FGF14: variants seen among roughly 807,000 people sequenced by gnomAD.
FGF14 encodes fibroblast growth factor homologous factor 4.
A neutral mutation model predicts 25.5 loss-of-function variants in FGF14; 5 were observed. The ratio of observed to expected loss-of-function variants is 0.20; its 90% CI spans 0.10 to 0.41. FGF14 has a LOEUF of 0.41. Ranked by LOEUF, FGF14 falls within the 10% of genes least tolerant of loss-of-function variation. FGF14 has a pLI of 1.00. For missense variants in FGF14, 222 were observed against 320.1 expected, an observed-to-expected ratio of 0.69 and a Z score of 2.34; for synonymous variants, 138 against 118.3, an observed-to-expected ratio of 1.17 and a Z score of -1.08.
At chr13:102,239,478 G>A (rs568664652) in intron 1 of FGF14, among the ~76,000 whole-genome samples, 1 of 152,132 alleles carries the variant, frequency 6.6e-6, no homozygotes, top group Non-Finnish European at 1.5e-5. Context: ...TCTGGTGTGA[G>A]GACCACACTG....
intron 1 of FGF14, among the ~76,000 whole-genome samples, chr13:101,985,606 T>C (rs1254493581): frequency 1.3e-5 from 2 of 152,094 alleles, no homozygotes; most frequent in Admixed American, 6.6e-5. Context: ...GGCTTTTTCT[T>C]TGTTGTAAAA....
intron 1 of FGF14, among the ~76,000 whole-genome samples, chr13:102,093,013 T>C (rs1333757699): frequency 6.6e-6 from 1 of 152,168 alleles, no homozygotes; most frequent in Admixed American, 6.5e-5. Flanking sequence ...TGTGTATTTT[T>C]ATTCGGGAAA....
intron 1 of FGF14, among the ~76,000 whole-genome samples, chr13:102,070,948 C>A (rs2043128603): frequency 8.8e-6 from 1 of 113,108 alleles, no homozygotes; most frequent in South Asian, 2.5e-4. Context: ...GAAAACAAAA[C>A]AAAACAAAAC....
At chr13:102,149,263 G>T (rs762882950) in intron 1 of FGF14, among the ~76,000 whole-genome samples, 23 of 151,746 alleles carry the variant, frequency 1.5e-4, no homozygotes, top group Admixed American at 3.9e-4. Context: ...ATATAAAATG[G>T]CCTCTCTTAT....
intron 1 of FGF14, among the ~76,000 whole-genome samples, chr13:102,229,188 C>A (rs1176374767): frequency 6.6e-6 from 1 of 152,042 alleles, no homozygotes; most frequent in Non-Finnish European, 1.5e-5. Flanking sequence ...TTGTGGATAC[C>A]CTACGTTTGC....
chr13:101,838,554 T>C (rs763546452), intron 3 of FGF14, among the ~76,000 whole-genome samples: 3 of 152,104 alleles, frequency 2.0e-5, no homozygotes, highest in Non-Finnish European at 4.4e-5. Flanking sequence ...CACTTGGTAA[T>C]CACATAACCT....
intron 1 of FGF14, among the ~76,000 whole-genome samples, chr13:102,338,785 G>A (rs921867974): frequency 4.6e-5 from 7 of 152,014 alleles, no homozygotes; most frequent in African/African-American, 7.2e-5. Context: ...AGGCTGAGGC[G>A]GGTGGATTAC....
At chr13:101,821,337 T>A (rs2042146395) in intron 3 of FGF14, among the ~76,000 whole-genome samples, 1 of 152,214 alleles carries the variant, frequency 6.6e-6, no homozygotes, top group South Asian at 2.1e-4. Flanking sequence ...TTTTTATGTC[T>A]GTGAGATCCA....
intron 1 of FGF14, among the ~76,000 whole-genome samples, chr13:101,960,095 C>T (rs1361651957): frequency 2.6e-5 from 4 of 152,146 alleles, no homozygotes; most frequent in Non-Finnish European, 5.9e-5. Flanking sequence ...TTTCACTTGC[C>T]TCAACCTGAA....
At chr13:102,297,102 G>A (rs1348544230) in intron 1 of FGF14, among the ~76,000 whole-genome samples, 6 of 152,102 alleles carry the variant, frequency 3.9e-5, no homozygotes, top group Non-Finnish European at 7.3e-5. Context: ...CATACTGATA[G>A]TATTGGTAGA....
At chr13:102,123,114 G>A (rs1362685899) in intron 1 of FGF14, among the ~76,000 whole-genome samples, 1 of 152,124 alleles carries the variant, frequency 6.6e-6, no homozygotes, top group African/African-American at 2.4e-5. Flanking sequence ...TGGTAAGAAT[G>A]AGCTGATTAA....
rs1274673644 is a variant in FGF14 at position 102,400,627 on chromosome 13, T to G, written c.208+844A>C. Among the ~76,000 whole-genome samples, 2 of 152,212 alleles carry G rather than the reference T, an allele frequency of 1.3e-5. No individual in the cohort carries two copies. The highest frequency in any genetic ancestry group is 1.9e-4 in the East Asian group (1 of 5,172). On this transcript the variant is annotated intron_variant, in intron 1 of 4. Transcript: ENST00000376131. The surrounding 1 kb of genome is among the most constrained non-coding windows in gnomAD (Gnocchi z 4.3). ...AAATCAGATGCATTTGCATTTCTTA[T>G]GTAATGTACTGCAAGTTCCCTTGTT...
chr13:102,091,650 G>C (rs756353956), intron 1 of FGF14, among the ~76,000 whole-genome samples: 2 of 152,090 alleles, frequency 1.3e-5, no homozygotes, highest in Non-Finnish European at 1.5e-5. Context: ...AGCACCAGCC[G>C]AGCCACGCCT....
At chr13:101,994,791 C>A (rs1055114657) in intron 1 of FGF14, among the ~76,000 whole-genome samples, 3 of 151,892 alleles carry the variant, frequency 2.0e-5, no homozygotes, top group African/African-American at 7.3e-5. Flanking sequence ...AAATCTAAGC[C>A]CCCGAGTTAA....
intron 1 of FGF14, among the ~76,000 whole-genome samples, chr13:102,077,068 A>C (rs1180764320): frequency 2.0e-5 from 3 of 152,214 alleles, no homozygotes; most frequent in Non-Finnish European, 4.4e-5. Flanking sequence ...GAACAACTGG[A>C]TATCCACATG....
intron 1 of FGF14, among the ~76,000 whole-genome samples, chr13:102,332,923 A>AT (rs1461947204): frequency 6.6e-6 from 1 of 152,136 alleles, no homozygotes; most frequent in Non-Finnish European, 1.5e-5. Context: ...CAGAAGTCCC[A>AT]TTTTTTATTC....
intron 1 of FGF14, among the ~76,000 whole-genome samples, chr13:101,969,186 A>G (rs777634584): frequency 2.8e-4 from 43 of 152,238 alleles, no homozygotes; most frequent in Non-Finnish European, 2.9e-4. Flanking sequence ...CACTTAGCTC[A>G]TAGTTGTCAC....
chr13:102,126,147 TCAC>T (rs1249348393), intron 1 of FGF14, among the ~76,000 whole-genome samples: 1 of 149,694 alleles, frequency 6.7e-6, no homozygotes, highest in East Asian at 1.9e-4. Flanking sequence ...TGTACAACCA[TCAC>T]CACTACTTTT....
chr13:102,155,979 T>G (rs920831224), intron 1 of FGF14, among the ~76,000 whole-genome samples: 46 of 152,202 alleles, frequency 3.0e-4, no homozygotes, highest in Non-Finnish European at 6.3e-4. Flanking sequence ...AATCTCTGAA[T>G]AGACCAATAA....
Sources: allele counts gnomAD v4.1 joint callset (sites outside exome capture counted in the v4.1 genomes callset), GRCh38; gene constraint gnomAD v4.1.1; non-coding constraint Gnocchi (gnomAD v3.1); transcripts MANE v1.5; gene names NCBI Gene and HGNC (gene_info 2026-07-23, HGNC 2026-07-21).